Variants in PRH1 observed in about 807,000 individuals in gnomAD.
The protein encoded by PRH1 is proline rich protein HaeIII subfamily 1.
In PRH1, 7 loss-of-function variants were observed where a neutral mutation model predicts 7.9. That is an observed-to-expected ratio of 0.89 (90% confidence interval 0.50 to 1.67). The LOEUF is 1.67. Among genes scored for constraint, PRH1 ranks in the 40% most tolerant of loss-of-function variants. PRH1 has a pLI of 0.00. For synonymous variants in PRH1, 45 were observed against 80.8 expected (o/e 0.56, Z 2.38); for missense variants, 109 against 223.6 (o/e 0.49, Z 3.27).
intron 1 of PRH1, chr12:10,997,992 T>C (rs1940385163): frequency 3.1e-6 from 2 of 649,408 alleles, no homozygotes; most frequent in African/African-American, 1.8e-5. Flanking sequence ...AATAACATTC[T>C]TTATACTTTT....
chr12:11,085,854 A>C (rs79500954), intron 1 of PRH1, among the ~76,000 whole-genome samples: 7,241 of 67,256 alleles, frequency 0.11, 326 homozygotes, highest in Middle Eastern at 0.16. Context: ...AATTTTCCAA[A>C]CTAATACATA....
intron 1 of PRH1, among the ~76,000 whole-genome samples, chr12:11,072,251 T>TG (rs1555156895): frequency 0.39 from 58,562 of 151,498 alleles, 15,432 homozygotes; most frequent in Non-Finnish European, 0.44. Flanking sequence ...CCTACCAAAG[T>TG]TCCGGGATTG....
chr12:11,038,148 A>C (rs1250417993), intron 1 of PRH1, among the ~76,000 whole-genome samples: 1 of 152,266 alleles, frequency 6.6e-6, no homozygotes, highest in African/African-American at 2.4e-5. Context: ...TATCTATGAG[A>C]ATATGCTGTA....
In PRH1 at chr12:10,905,204, G is replaced by A. The variant is rs566532969; in HGVS notation, c.-58-20929C>T. On this transcript the variant is annotated intron_variant, in intron 2 of 3. Coordinates refer to the PRH1 transcript ENST00000539853. Reference sequence around the variant, plus strand: ...TGGTGTATGCACGCCACACTTTTTTGGTCTAATCCATTTTTTTTTTTTTGA... The same window carrying A: ...TGGTGTATGCACGCCACACTTTTTTAGTCTAATCCATTTTTTTTTTTTTGA... Among the ~76,000 whole-genome samples the A allele has an allele frequency of 7.9e-5, 12 of 151,592 alleles. No homozygotes were observed. The East Asian group carries it at 2.1e-3, about 27-fold the overall frequency.
At chr12:11,020,366 ATATATATAT>A (rs1941549305) in intron 1 of PRH1, among the ~76,000 whole-genome samples, 1 of 32,844 alleles carries the variant, frequency 3.0e-5, no homozygotes, top group Non-Finnish European at 9.7e-5. Context: ...GATAAGCGAT[ATATATATAT>A]ATATATATAT....
intron 1 of PRH1, among the ~76,000 whole-genome samples, chr12:11,153,177 T>A (rs1157463225): frequency 1.3e-5 from 2 of 152,120 alleles, no homozygotes; most frequent in East Asian, 3.9e-4. Flanking sequence ...ATAAGTAGAA[T>A]AGGGTTCGTT....
intron 2 of PRH1, among the ~76,000 whole-genome samples, chr12:10,920,859 G>A (rs908481957): frequency 2.0e-5 from 3 of 151,972 alleles, no homozygotes; most frequent in Non-Finnish European, 4.4e-5. Flanking sequence ...TTCTGTATTT[G>A]TTTAGTAGAC....
intron 2 of PRH1, chr12:10,938,064 T>C: frequency 2.0e-6 from 1 of 492,470 alleles, no homozygotes; most frequent in Non-Finnish European, 3.6e-6. Flanking sequence ...CTTTATAGTA[T>C]TCGCATTCTT....
At chr12:11,139,771 G>C (rs113645149) in intron 1 of PRH1, among the ~76,000 whole-genome samples, 3 of 152,152 alleles carry the variant, frequency 2.0e-5, no homozygotes, top group Non-Finnish European at 4.4e-5. Context: ...TCGGATAAGA[G>C]TGTAAATACT....
intron 1 of PRH1, among the ~76,000 whole-genome samples, chr12:11,063,059 C>T (rs1001843224): frequency 6.6e-6 from 1 of 152,070 alleles, no homozygotes; most frequent in African/African-American, 2.4e-5. Flanking sequence ...TATTTTCCCA[C>T]TCAGGGCTTT....
chr12:11,117,619 A>C (rs1393059482), downstream of PRH1, among the ~76,000 whole-genome samples: 2 of 152,120 alleles, frequency 1.3e-5, no homozygotes, highest in Non-Finnish European at 2.9e-5. Flanking sequence ...CTATCCTAAG[A>C]AAAAAGAACA....
chr12:11,056,981 T>G (rs569327464), intron 1 of PRH1, among the ~76,000 whole-genome samples: 1 of 152,400 alleles, frequency 6.6e-6, no homozygotes, highest in South Asian at 2.1e-4. Flanking sequence ...TACTTGATAT[T>G]TAAGACACCA....
chr12:10,972,999 T>C (rs929031706), intron 2 of PRH1, among the ~76,000 whole-genome samples: 3 of 121,618 alleles, frequency 2.5e-5, no homozygotes, highest in African/African-American at 6.3e-5. Context: ...ATTTTCAAAA[T>C]GAAGAATAAA....
intron 2 of PRH1, among the ~76,000 whole-genome samples, chr12:10,949,424 T>C (rs556506689): frequency 3.9e-4 from 60 of 152,356 alleles, no homozygotes; most frequent in African/African-American, 1.4e-3. Context: ...AGGTTTTCAG[T>C]TGCTCCTGGA....
chr12:11,080,053 G>A (rs1160067784), intron 1 of PRH1, among the ~76,000 whole-genome samples: 1 of 122,166 alleles, frequency 8.2e-6, no homozygotes, highest in African/African-American at 2.8e-5. Flanking sequence ...AAAAGCCTAG[G>A]TTTACCTCAA....
chr12:10,943,129 T>A (rs75536271), intron 2 of PRH1, among the ~76,000 whole-genome samples: 1 of 152,178 alleles, frequency 6.6e-6, no homozygotes, highest in Non-Finnish European at 1.5e-5. Context: ...CTGATTTTTT[T>A]CTGCAGTCTT....
chr12:11,120,039 T>A (rs565496686), downstream of PRH1, among the ~76,000 whole-genome samples: 2 of 152,216 alleles, frequency 1.3e-5, no homozygotes, highest in Non-Finnish European at 1.5e-5. Flanking sequence ...ATTTTGCACA[T>A]CTGCCAAAAT....
intron 1 of PRH1, among the ~76,000 whole-genome samples, chr12:10,975,604 C>T (rs1282313127): frequency 1.3e-5 from 2 of 151,932 alleles, no homozygotes; most frequent in African/African-American, 4.8e-5. Flanking sequence ...GCTAATTGCC[C>T]CAGTTAAAGA....
intron 1 of PRH1, among the ~76,000 whole-genome samples, chr12:11,137,666 A>G (rs1286581551): frequency 1.3e-5 from 2 of 152,222 alleles, no homozygotes; most frequent in Admixed American, 1.3e-4. Context: ...TAAGCAATGT[A>G]TTGTAAAATA....
Sources: gnomAD v4.1 joint callset for allele counts (sites outside exome capture counted in the v4.1 genomes callset) on GRCh38, gnomAD v4.1.1 for gene constraint, MANE v1.5 for transcripts, NCBI Gene and HGNC (gene_info 2026-07-23, HGNC 2026-07-21) for gene names.